TENM2: variants seen among roughly 807,000 people sequenced by gnomAD.
The protein encoded by TENM2 is teneurin transmembrane protein 2.
Under a neutral mutation model 245.2 loss-of-function variants are expected in TENM2, and 52 were observed. That is an observed-to-expected ratio of 0.21 (90% CI 0.17 to 0.27). The LOEUF is 0.27. TENM2 is among the 10% of genes least tolerant of loss of function. The pLI, the probability that TENM2 is intolerant of heterozygous loss-of-function variation, is 1.00. For synonymous variants in TENM2, 1,363 were observed against 1,438.9 expected (o/e 0.95, Z 1.19); for missense variants, 3,046 against 3,666.8 (o/e 0.83, Z 4.37).
chr5:167,149,694 T>C, the TENM2 span, among the ~76,000 whole-genome samples: 1 of 152,184 alleles, frequency 6.6e-6, no homozygotes, highest in Non-Finnish European at 1.5e-5. Flanking sequence ...CTGTTTCTAC[T>C]TATTTTTGAA....
intron 2 of TENM2, among the ~76,000 whole-genome samples, chr5:167,641,243 A>G (rs1035868326): frequency 6.6e-6 from 1 of 152,132 alleles, no homozygotes; most frequent in Non-Finnish European, 1.5e-5. Context: ...TTAAAATTGC[A>G]TCAATACGTG....
At chr5:167,897,957 GA>G (rs1248896233) in intron 3 of TENM2, among the ~76,000 whole-genome samples, 1 of 139,326 alleles carries the variant, frequency 7.2e-6, no homozygotes, top group Non-Finnish European at 1.5e-5. Context: ...GAAGCAGCAT[GA>G]ACTCCAGCCC....
At chr5:167,864,747 A>G (rs1015662194) in intron 2 of TENM2, among the ~76,000 whole-genome samples, 2 of 152,168 alleles carry the variant, frequency 1.3e-5, no homozygotes, top group African/African-American at 4.8e-5. Flanking sequence ...CACTTTCTTC[A>G]TGTTTAAAAT....
At chr5:167,032,868 T>G in the TENM2 span, among the ~76,000 whole-genome samples, 1 of 152,224 alleles carries the variant, frequency 6.6e-6, no homozygotes, top group Non-Finnish European at 1.5e-5. Context: ...CCTTTATTCC[T>G]GGCACCTTTA....
At chr5:167,796,325 G>T (rs1313667354) in intron 2 of TENM2, among the ~76,000 whole-genome samples, 1 of 152,170 alleles carries the variant, frequency 6.6e-6, no homozygotes, top group Non-Finnish European at 1.5e-5. Context: ...ACAAGGGGCT[G>T]CATGATCTAC....
the TENM2 span, among the ~76,000 whole-genome samples, chr5:166,990,143 C>A: frequency 7.7e-4 from 117 of 152,086 alleles, no homozygotes; most frequent in African/African-American, 2.7e-3. Flanking sequence ...AAAAATAAAA[C>A]TGCATTTCTT....
Position 167,321,782 on chromosome 5 carries a change from C to CTTTTTTTTTTT in TENM2, c.226+36721_226+36722insTTTTTTTTTTT, listed in dbSNP as rs1191717159. ...TGAATCTGTTGTCTTGCTGCCTTGG[C>CTTTTTTTTTTT]TTATTTTTTTTTTTTTTTTGGGGGG... On this transcript the variant is annotated intron_variant, in intron 1 of 28. Transcript: ENST00000518659. Among the ~76,000 whole-genome samples, 31 of 59,754 alleles carry CTTTTTTTTTTT rather than the reference C, an allele frequency of 5.2e-4. 10 individuals are homozygous for CTTTTTTTTTTT. Among genetic ancestry groups the CTTTTTTTTTTT allele is most frequent in the African/African-American group, 7.8e-4 (12 of 15,370 alleles). The allele number at this position is 59,754 out of a possible 152,430, so 39.2% of individuals were successfully genotyped here. A position where few individuals can be genotyped will look rare whatever the true frequency, so the allele number is the denominator to read the frequency against.
chr5:167,596,352 C>G (rs1398932304), intron 2 of TENM2, among the ~76,000 whole-genome samples: 1 of 152,168 alleles, frequency 6.6e-6, no homozygotes, highest in Non-Finnish European at 1.5e-5. Context: ...TAACCCTGTT[C>G]TCTCCATCCT....
chr5:168,104,623 G>A (rs1794098162), intron 9 of TENM2, among the ~76,000 whole-genome samples: 1 of 152,338 alleles, frequency 6.6e-6, no homozygotes, highest in African/African-American at 2.4e-5. Flanking sequence ...GCCCTCAGAT[G>A]TGCAGTGCAA....
At chr5:167,934,848 A>C in intron 3 of TENM2, 4 of 985,532 alleles carry the variant, frequency 4.1e-6, no homozygotes, top group Non-Finnish European at 4.8e-6. Context: ...AGACCAGTGC[A>C]ACGGAGGAGG....
At chr5:167,551,984 G>A (rs1053483085) in intron 2 of TENM2, among the ~76,000 whole-genome samples, 1 of 152,188 alleles carries the variant, frequency 6.6e-6, no homozygotes, top group Non-Finnish European at 1.5e-5. Context: ...CTTGGCAATT[G>A]TTCTCAAATA....
intron 2 of TENM2, among the ~76,000 whole-genome samples, chr5:167,674,002 T>C (rs994538629): frequency 6.6e-6 from 1 of 152,176 alleles, no homozygotes; most frequent in African/African-American, 2.4e-5. Context: ...GGGGCACTAA[T>C]GACATTGTAT....
At chr5:167,744,640 T>G (rs1279950384) in intron 2 of TENM2, among the ~76,000 whole-genome samples, 1 of 152,152 alleles carries the variant, frequency 6.6e-6, no homozygotes, top group East Asian at 1.9e-4. Flanking sequence ...TATCGTTCCT[T>G]CCACCTATTA....
chr5:167,435,528 G>T lies in TENM2; in HGVS notation c.502+60055G>T, dbSNP rs111573068. On this transcript the variant is annotated intron_variant, in intron 2 of 28. Coordinates refer to ENST00000518659, the Ensembl canonical transcript of TENM2. ...GAATCTAATTAAACCTCTTTCTTTT[G>T]TAAATTACCCACTCTGGGGGTATGT... Among the ~76,000 whole-genome samples the T allele has an allele frequency of 2.5e-3, 383 of 152,242 alleles. 1 individual carries two copies. The highest frequency in any genetic ancestry group is 8.8e-3 in the African/African-American group (365 of 41,556).
At position 167,408,961 on chromosome 5, in the gene TENM2, C is replaced by T. The variant is rs997573653; in HGVS notation, c.502+33488C>T. ...AATCTAATATATATATATATATATACACACACACACATACAATTTTTGAAA... is the reference window on the plus strand; with the variant it reads ...AATCTAATATATATATATATATATATACACACACACATACAATTTTTGAAA... On this transcript the variant is annotated intron_variant, in intron 2 of 28. Transcript: ENST00000518659. 1.1e-4 allele frequency among the ~76,000 whole-genome samples: 17 copies of T among 148,328 alleles called. No homozygotes were observed. In the East Asian group the frequency reaches 2.0e-3, roughly 17 times the overall value.
chr5:167,924,948 T>C (rs945168913), intron 3 of TENM2, among the ~76,000 whole-genome samples: 3 of 152,214 alleles, frequency 2.0e-5, no homozygotes, highest in Admixed American at 1.3e-4. Context: ...GTGTATAAAC[T>C]GGTACAACCA....
At chr5:168,150,828 C>A (rs1450999617) in intron 12 of TENM2, among the ~76,000 whole-genome samples, 3 of 152,174 alleles carry the variant, frequency 2.0e-5, no homozygotes, top group Non-Finnish European at 4.4e-5. Context: ...TCACACCCTC[C>A]CTTTACCACT....
chr5:167,974,022 A>AGGAG (rs1554163732), intron 4 of TENM2, among the ~76,000 whole-genome samples: 788 of 66,294 alleles, frequency 0.012, 96 homozygotes, highest in Non-Finnish European at 0.016. Flanking sequence ...GGAGGGAGGG[A>AGGAG]GGAAGGAAGG....
chr5:167,459,467 A>G (rs1240287251), intron 2 of TENM2, among the ~76,000 whole-genome samples: 2 of 152,202 alleles, frequency 1.3e-5, no homozygotes, highest in Non-Finnish European at 2.9e-5. Context: ...ATGGTTGTAT[A>G]AATATCTCTC....
Sources: gnomAD v4.1 joint callset for allele counts (sites outside exome capture counted in the v4.1 genomes callset) on GRCh38, gnomAD v4.1.1 for gene constraint, MANE v1.5 for transcripts, NCBI Gene and HGNC (gene_info 2026-07-23, HGNC 2026-07-21) for gene names.